NCAN: variants seen among roughly 807,000 people sequenced by gnomAD.
NCAN encodes the protein neurocan.
A neutral mutation model predicts 121.8 loss-of-function variants in NCAN; 47 were observed. The observed-to-expected ratio is 0.39, with a 90% CI of 0.31 to 0.49. NCAN has a LOEUF of 0.49. NCAN is among the 20% of genes least tolerant of loss of function. NCAN has a pLI of 0.92. For synonymous variants in NCAN, 633 were observed against 702.0 expected (o/e 0.90, Z 1.55); for missense variants, 1,517 against 1,773.4 (o/e 0.86, Z 2.60).
Position 19,238,374 on chromosome 19 carries a change from C to T in NCAN, c.3372C>T (p.Thr1124=). ...KDCRRRSGHL[T]SVHSPEEHSF... Reference sequence around the variant, plus strand: ...GCCGCCGCCGCTCCGGCCACCTGACCAGCGTCCACTCACCGGAGGAACACA... The same window carrying T: ...GCCGCCGCCGCTCCGGCCACCTGACTAGCGTCCACTCACCGGAGGAACACA... The change falls in exon 11 of 15, where the codon ACC becomes ACT. Residue 1124 remains threonine, a synonymous_variant. Transcript: ENST00000252575. 3 of 1,614,204 alleles carry T rather than the reference C, an allele frequency of 1.9e-6. No homozygotes were observed. Among genetic ancestry groups the T allele is most frequent in the African/African-American group, 1.3e-5 (1 of 75,062 alleles).
rs111534277 is a variant in NCAN at position 19,227,617 on chromosome 19, C to A, written c.1997C>A (p.Thr666Lys). 6.2e-7 allele frequency: 1 copy of A among 1,613,910 alleles called. No homozygotes were observed. Among genetic ancestry groups the A allele is most frequent in the Non-Finnish European group, 8.5e-7 (1 of 1,180,020 alleles). The part of the protein sequence containing the change: ...RVEAHGEATA[T>K]APPSPAAETK... Reference sequence around the variant, plus strand: ...GAGGCACATGGTGAGGCCACCGCCACGGCTCCACCCTCCCCTGCTGCAGAG... The same window carrying A: ...GAGGCACATGGTGAGGCCACCGCCAAGGCTCCACCCTCCCCTGCTGCAGAG... The change falls in exon 8 of 15, where the codon ACG becomes AAG. Residue 666 changes from threonine (T) to lysine (K), a missense_variant. Transcript: ENST00000252575. The surrounding 1 kb of genome is among the most constrained non-coding windows in gnomAD (Gnocchi z 4.2).
chr19:19,226,437 C>T (rs754285845), intron 6 of NCAN, 49 bp from the exon 7 acceptor site: 61 of 1,443,810 alleles, frequency 4.2e-5, no homozygotes, highest in Non-Finnish European at 5.0e-5. Flanking sequence ...AGCAGAACTT[C>T]CCAGGCAACC....
rs375210641 is a variant in NCAN, at chr19:19,248,637, C to T, written c.3638-63C>T. 113 of 1,518,508 alleles carry T rather than the reference C, an allele frequency of 7.4e-5. No individual in the cohort carries two copies. The East Asian group carries it at 2.1e-3, about 28-fold the overall frequency. 94.1% of individuals were successfully genotyped at this position (1,518,508 alleles called of 1,614,324 possible). A position where few individuals can be genotyped will look rare whatever the true frequency, so the allele number is the denominator to read the frequency against. ...GAAACTCTGTCTCAAACAACAACAA[C>T]AACAACAACTAGTTTAGCCCCAGAT... On this transcript the variant is annotated intron_variant, in intron 13 of 14. Transcript: ENST00000252575.
Position 19,249,841 on chromosome 19 carries a change from G to T in NCAN, c.3896G>T (p.Arg1299Leu), listed in dbSNP as rs768180321. The change falls in exon 15 of 15, where the codon CGC (arginine) becomes CTC (leucine). Residue 1299 changes from arginine (R) to leucine (L), a missense_variant. Coordinates refer to ENST00000252575, the MANE Select transcript of NCAN (RefSeq NM_004386.3). Reference sequence around the variant, plus strand: ...CACCAGCATCACCACCACAAATCCCGCAAGGAGCGCAGAAAACACAAGAAA... The same window carrying T: ...CACCAGCATCACCACCACAAATCCCTCAAGGAGCGCAGAAAACACAAGAAA... ...HHHQHHHHKS[R>L]KERRKHKKHP... 1.9e-6 allele frequency: 3 copies of T among 1,613,788 alleles called. No individual in the cohort carries two copies. In the East Asian group the frequency reaches 6.7e-5, roughly 36 times the overall value.
intron 11 of NCAN, 109 bp from the exon 12 acceptor site, chr19:19,240,494 G>C: frequency 1.0e-6 from 1 of 989,572 alleles, no homozygotes; most frequent in Non-Finnish European, 1.6e-6. Flanking sequence ...GGCTGGGGAA[G>C]GTGAGGAATT....
At chr19:19,244,744 T>C (rs76461323) in intron 12 of NCAN, among the ~76,000 whole-genome samples, 1 of 138,378 alleles carries the variant, frequency 7.2e-6, no homozygotes, top group Non-Finnish European at 1.5e-5. Flanking sequence ...TTTTTTTTTT[T>C]TGAGGCAGAG....
chr19:19,248,896 C>T lies in NCAN; in HGVS notation c.3820+14C>T, dbSNP rs376603855. The T allele has an allele frequency of 6.8e-6, 11 of 1,612,958 alleles. No individual in the cohort carries two copies. The East Asian group carries it at 2.2e-4, about 33-fold the overall frequency. On this transcript the variant is annotated intron_variant, in intron 14 of 14. Transcript: ENST00000252575. The stretch of plus-strand genomic sequence containing the variant: ...TCTGCACCAAACGTAAGTAGCTTCT[C>T]CCAGAGATCTCAACATAGGTTTTTG...
chr19:19,219,781 T>A (rs576065999), intron 3 of NCAN, among the ~76,000 whole-genome samples: 17 of 151,054 alleles, frequency 1.1e-4, no homozygotes, highest in Non-Finnish European at 2.4e-4. Flanking sequence ...TCTGAGCACT[T>A]TGGGAGGCCG....
Position 19,250,163 on chromosome 19 carries a change from A to C in NCAN, c.*252A>C. On this transcript the variant is annotated 3_prime_UTR_variant, in exon 15 of 15. Transcript: ENST00000252575. ...TGGCTGAACTCTGGGAGTGTGTCCC[A>C]GCTGAGGGAAGCACAAGTAGCAAAG... 1.5e-6 allele frequency: 1 copy of C among 646,812 alleles called. No homozygotes were observed. Among genetic ancestry groups the C allele is most frequent in the Non-Finnish European group, 2.9e-6 (1 of 349,308 alleles). 40.1% of individuals were successfully genotyped at this position (646,812 alleles called of 1,614,324 possible). A position where few individuals can be genotyped will look rare whatever the true frequency, so the allele number is the denominator to read the frequency against.
Position 19,226,545 on chromosome 19 carries a change from G to A in NCAN, c.1132G>A (p.Glu378Lys), listed in dbSNP as rs1324406256. Residue 378 changes from glutamate (E) to lysine (K), a missense_variant, in exon 7 of 15, where the codon GAG becomes AAG. Coordinates refer to ENST00000252575, the MANE Select transcript of NCAN (RefSeq NM_004386.3). Reference sequence around the variant, plus strand: ...GACCCCATCCTCTGGGGATGAGGGGGAGATTCTGTCAGCAGAGGGGCCCCC... The same window carrying A: ...GACCCCATCCTCTGGGGATGAGGGGAAGATTCTGTCAGCAGAGGGGCCCCC... Reference protein sequence around the residue: ...LETPSSGDEGEILSAEGPPVR... With the variant: ...LETPSSGDEGKILSAEGPPVR... 3 of 1,613,030 alleles carry A rather than the reference G, an allele frequency of 1.9e-6. No homozygotes were observed. In the South Asian group the frequency reaches 3.3e-5, roughly 18 times the overall value.
rs768762047 is a variant in NCAN, at chr19:19,228,170, G to A, written c.2550G>A (p.Val850=). 2 of 1,613,744 alleles carry A rather than the reference G, an allele frequency of 1.2e-6. No individual in the cohort carries two copies. Among genetic ancestry groups the A allele is most frequent in the African/African-American group, 1.3e-5 (1 of 74,918 alleles). ...GAATTTGGGAACCTGGATCCCAGGT[G>A]TTTGAAGAAGCCGAAAGCACCACCT... ...ASGIWEPGSQ[V]FEEAESTTLS... The change falls in exon 8 of 15, where the codon GTG becomes GTA. Residue 850 remains valine (V), a synonymous_variant. Transcript: ENST00000252575.
intron 3 of NCAN, among the ~76,000 whole-genome samples, chr19:19,220,712 C>T (rs2060813710): frequency 1.3e-5 from 2 of 152,078 alleles, no homozygotes; most frequent in Admixed American, 1.3e-4. Flanking sequence ...CCACCTCGGC[C>T]TCCCAAAGTG....
At chr19:19,223,630 G>A (rs927415888) in intron 3 of NCAN, among the ~76,000 whole-genome samples, 1 of 151,900 alleles carries the variant, frequency 6.6e-6, no homozygotes, top group Non-Finnish European at 1.5e-5. Flanking sequence ...ATGCCACCAT[G>A]CCCAGCTATT....
rs770465996 is a variant in NCAN at position 19,238,399 on chromosome 19, A to G, written c.3397A>G (p.Ser1133Gly). 2 of 1,614,156 alleles carry G rather than the reference A, an allele frequency of 1.2e-6. No individual in the cohort carries two copies. The highest frequency in any genetic ancestry group is 2.7e-5 in the African/African-American group (2 of 75,056). Residue 1133 changes from serine to glycine, a missense_variant, in exon 11 of 15, where the codon AGC (serine) becomes GGC (glycine). Coordinates refer to ENST00000252575, the MANE Select transcript of NCAN (RefSeq NM_004386.3). Reference sequence around the variant, plus strand: ...CAGCGTCCACTCACCGGAGGAACACAGCTTCATTAATAGTAGGGGCTCTGG... The same window carrying G: ...CAGCGTCCACTCACCGGAGGAACACGGCTTCATTAATAGTAGGGGCTCTGG... ...LTSVHSPEEH[S>G]FINSFGHENT...
At chr19:19,221,714 C>T (rs1183761174) in intron 3 of NCAN, among the ~76,000 whole-genome samples, 2 of 151,962 alleles carry the variant, frequency 1.3e-5, no homozygotes, top group Admixed American at 6.6e-5. Context: ...GGTGAGACCT[C>T]GTCTCTACAA....
In NCAN at chr19:19,248,708, G is replaced by A. The variant is rs1223919734; in HGVS notation, c.3646G>A (p.Gly1216Ser). ...AGATTCCTCTGTCCCAGTGCTCTGT[G>A]GTCCCCCTCCGGCAGTGGAGAATGC... is the stretch of plus-strand genomic sequence containing the variant. ...YVCKKGTVLC[G>S]PPPAVENASL... is the part of the protein sequence containing the mutation. The change falls in exon 14 of 15, where the codon GGT becomes AGT. Residue 1216 changes from glycine to serine, a missense_variant. By Grantham distance (56) the Gly-to-Ser change is moderately conservative. Transcript: ENST00000252575. The A allele has an allele frequency of 3.1e-6, 5 of 1,613,976 alleles. No individual in the cohort carries two copies. In the East Asian group the frequency reaches 1.1e-4, roughly 36 times the overall value.
chr19:19,228,244 C>T lies in NCAN; in HGVS notation c.2624C>T (p.Thr875Ile), dbSNP rs765980323. The T allele has an allele frequency of 1.5e-5, 24 of 1,613,840 alleles. No homozygotes were observed. Among genetic ancestry groups the T allele is most frequent in the Non-Finnish European group, 1.9e-5 (23 of 1,180,032 alleles). Reference protein sequence around the residue: ...LDTSIVTPLTTLEQGDKVGVP... With the variant: ...LDTSIVTPLTILEQGDKVGVP... ...ACAAGCATTGTGACGCCCCTCACGA[C>T]CCTGGAGCAGGGGGACAAGGTTGGA... is the stretch of plus-strand genomic sequence containing the variant. Residue 875 changes from threonine to isoleucine, a missense_variant, in exon 8 of 15, where the codon ACC (threonine) becomes ATC (isoleucine). By Grantham distance (89) the Thr-to-Ile change is moderately conservative. Coordinates refer to ENST00000252575, the MANE Select transcript of NCAN (RefSeq NM_004386.3).
chr19:19,229,575 G>A (rs114511027), intron 8 of NCAN, among the ~76,000 whole-genome samples: 1,793 of 152,252 alleles, frequency 0.012, 36 homozygotes, highest in African/African-American at 0.04. Flanking sequence ...GAGGTAAAAC[G>A]CCGCTTGGCT....
At chr19:19,244,821 C>T (rs190167071) in intron 12 of NCAN, among the ~76,000 whole-genome samples, 31 of 151,508 alleles carry the variant, frequency 2.0e-4, no homozygotes, top group Admixed American at 5.9e-4. Flanking sequence ...CTCTGCCTCC[C>T]GGGTTCAAAC....
Sources: gnomAD v4.1 joint callset for allele counts (sites outside exome capture counted in the v4.1 genomes callset) on GRCh38, gnomAD v4.1.1 for gene constraint, Gnocchi (gnomAD v3.1) non-coding constraint, MANE v1.5 for transcripts, NCBI Gene and HGNC (gene_info 2026-07-23, HGNC 2026-07-21) for gene names.